PSME4: variants seen among roughly 807,000 people sequenced by gnomAD.
PSME4 encodes proteasome activator subunit 4, also known as proteasome activator complex subunit 4.
PSME4 carries 89 observed loss-of-function variants against 253.9 expected under a neutral mutation model. That is an observed-to-expected ratio of 0.35 (90% confidence interval 0.30 to 0.42). The LOEUF (loss-of-function observed/expected upper bound fraction) is 0.42, where lower values mean the gene tolerates loss of function less well. PSME4 is among the 10% of genes least tolerant of loss of function. The pLI is 1.00. For synonymous variants in PSME4, 851 were observed against 759.2 expected, an observed-to-expected ratio of 1.12 and a Z score of -1.99; for missense variants, 2,014 against 2,195.2, an observed-to-expected ratio of 0.92 and a Z score of 1.65.
chr2:53,906,546 G>C (rs1051883825), intron 26 of PSME4, 52 bp downstream of exon 26: 1 of 1,453,684 alleles, frequency 6.9e-7, no homozygotes, highest in African/African-American at 1.4e-5. Flanking sequence ...TATTAAGATT[G>C]CATGTAATAA....
At chr2:53,885,367 G>C (rs1573213878) in intron 41 of PSME4, among the ~76,000 whole-genome samples, 1 of 152,188 alleles carries the variant, frequency 6.6e-6, no homozygotes, top group Non-Finnish European at 1.5e-5. Context: ...GAAATGGCTA[G>C]ATTAAAAAAT....
intron 36 of PSME4, 91 bp from the exon 37 acceptor site, chr2:53,890,299 A>C: frequency 1.2e-6 from 1 of 838,280 alleles, no homozygotes; most frequent in Middle Eastern, 2.3e-4. Flanking sequence ...GTACACACAT[A>C]CAGGTATATC....
Position 53,919,157 on chromosome 2 carries a change from G to A in PSME4, c.2510C>T (p.Thr837Ile). Reference sequence around the variant, plus strand: ...AACAGTTATTTTTACTTACAAGTTAGTAACTGGCTCTCCTTTCAACGGAGG... The same window carrying A: ...AACAGTTATTTTTACTTACAAGTTAATAACTGGCTCTCCTTTCAACGGAGG... ...LLPPLKGEPVTNLVPSMVSLE... is the reference protein window; with the variant it reads ...LLPPLKGEPVINLVPSMVSLE... The change falls in exon 20 of 47, where the codon ACT (threonine) becomes ATT (isoleucine). Residue 837 changes from threonine to isoleucine, a missense_variant. Around this residue, in one of 4 missense-constraint regions of PSME4, gnomAD observed 989 missense variants for 1,021.1 expected, o/e 0.97. Transcript: ENST00000404125. The A allele has an allele frequency of 1.2e-6, 2 of 1,610,778 alleles. No homozygotes were observed. Among genetic ancestry groups the A allele is most frequent in the Non-Finnish European group, 1.7e-6 (2 of 1,178,732 alleles).
At chr2:53,878,657 T>C (rs1341144256) in intron 41 of PSME4, among the ~76,000 whole-genome samples, 1 of 152,204 alleles carries the variant, frequency 6.6e-6, no homozygotes, top group Non-Finnish European at 1.5e-5. Flanking sequence ...TCTTTTACAG[T>C]CATAGCTAAG....
chr2:53,882,251 C>T (rs1165641699), intron 41 of PSME4, among the ~76,000 whole-genome samples: 1 of 152,122 alleles, frequency 6.6e-6, no homozygotes, highest in Non-Finnish European at 1.5e-5. Context: ...TTCACTGTAT[C>T]ATTAATGAAG....
At chr2:53,911,986 G>C (rs1667847204) in intron 20 of PSME4, among the ~76,000 whole-genome samples, 1 of 152,136 alleles carries the variant, frequency 6.6e-6, no homozygotes, top group Non-Finnish European at 1.5e-5. Flanking sequence ...AATCATTTAT[G>C]CTGACTACTT....
intron 32 of PSME4, 120 bp from the exon 33 acceptor site, chr2:53,895,856 C>T: frequency 1.1e-6 from 1 of 872,920 alleles, no homozygotes; most frequent in Non-Finnish European, 1.7e-6. Context: ...ACAAAAATAA[C>T]ATTAAGATAA....
intron 1 of PSME4, among the ~76,000 whole-genome samples, chr2:53,951,311 G>A (rs567736849): frequency 6.6e-6 from 1 of 152,222 alleles, no homozygotes; most frequent in Non-Finnish European, 1.5e-5. Context: ...TCAAACTCCT[G>A]ACCTTGAGAT....
intron 29 of PSME4, among the ~76,000 whole-genome samples, chr2:53,898,673 G>T (rs1031330162): frequency 7.1e-6 from 1 of 141,134 alleles, no homozygotes; most frequent in Non-Finnish European, 1.6e-5. Context: ...ACACACACAC[G>T]ATACACCAGG....
chr2:53,964,549 A>G (rs1211537285), intron 1 of PSME4, among the ~76,000 whole-genome samples: 1 of 152,222 alleles, frequency 6.6e-6, no homozygotes, highest in Admixed American at 6.5e-5. Context: ...GTTCTCACTG[A>G]TGAGTTTGGT....
chr2:53,877,405 C>G (rs1270258879), intron 41 of PSME4, among the ~76,000 whole-genome samples: 1 of 151,176 alleles, frequency 6.6e-6, no homozygotes, highest in Non-Finnish European at 1.5e-5. Flanking sequence ...AGAGTGATAC[C>G]CTGTCTCTTA....
In PSME4 at chr2:53,934,737, G is replaced by GA. The variant is rs761393821; in HGVS notation, c.835-11dup. 1 of 1,559,504 alleles carries GA rather than the reference G, an allele frequency of 6.4e-7. No homozygotes were observed. The highest frequency in any genetic ancestry group is 2.3e-5 in the East Asian group (1 of 44,324). On this transcript the variant is annotated splice_polypyrimidine_tract_variant and intron_variant, in intron 7 of 46. Transcript: ENST00000404125. ...GAATTCTTGTAAATATCTTTTAAAA[G>GA]AAAAAAATAAGTAAGGATATTTACA...
chr2:53,963,151 C>T (rs1670564472), intron 1 of PSME4, among the ~76,000 whole-genome samples: 1 of 151,998 alleles, frequency 6.6e-6, no homozygotes, highest in South Asian at 2.1e-4. Context: ...CATAGTGAGA[C>T]TTTGTCTCAA....
At chr2:53,875,540 C>A (rs186920054) in intron 42 of PSME4, 87 bp downstream of exon 42, 12 of 1,256,460 alleles carry the variant, frequency 9.6e-6, no homozygotes, top group Non-Finnish European at 1.3e-5. Flanking sequence ...AAAAACTAGG[C>A]GCTGTGTGCA....
intron 18 of PSME4, 89 bp from the exon 19 acceptor site, chr2:53,920,439 A>T: frequency 7.7e-7 from 1 of 1,302,052 alleles, no homozygotes; most frequent in Non-Finnish European, 1.0e-6. Context: ...TTTAAAATTT[A>T]AAAGAAAATG....
intron 1 of PSME4, among the ~76,000 whole-genome samples, chr2:53,961,915 A>C (rs1306911456): frequency 6.6e-6 from 1 of 152,212 alleles, no homozygotes; most frequent in Non-Finnish European, 1.5e-5. Context: ...ACGGGACCTC[A>C]CATTCTGTAT....
chr2:53,905,925 T>C (rs1299737656), intron 26 of PSME4, among the ~76,000 whole-genome samples: 1 of 152,234 alleles, frequency 6.6e-6, no homozygotes, highest in East Asian at 1.9e-4. Flanking sequence ...TGGGTGATCA[T>C]CCCAAATCCA....
chr2:53,869,122 G>A (rs1166363575), intron 44 of PSME4, among the ~76,000 whole-genome samples: 4 of 152,106 alleles, frequency 2.6e-5, no homozygotes, highest in Admixed American at 1.3e-4. Context: ...TATTCTGGGC[G>A]GAGGGTAGAC....
chr2:53,926,659 C>A (rs567844610), intron 12 of PSME4, among the ~76,000 whole-genome samples: 18 of 150,986 alleles, frequency 1.2e-4, no homozygotes, highest in Non-Finnish European at 2.5e-4. Context: ...CCAGCCTGGG[C>A]AACATGCTTG....
Sources: gnomAD v4.1 joint callset for allele counts (sites outside exome capture counted in the v4.1 genomes callset) on GRCh38, gnomAD v4.1.1 for gene constraint, gnomAD v4.1.1 regional missense constraint, MANE v1.5 for transcripts, NCBI Gene and HGNC (gene_info 2026-07-23, HGNC 2026-07-21) for gene names.